Variants in RBPMS2 observed in about 807,000 individuals in gnomAD.
RBPMS2 encodes RNA-binding protein with multiple splicing 2.
A neutral mutation model predicts 25.7 loss-of-function variants in RBPMS2; 14 were observed. That is an observed-to-expected ratio of 0.55 (90% confidence interval 0.36 to 0.85). RBPMS2 has a LOEUF of 0.85. RBPMS2 is among the 40% of genes least tolerant of loss of function. The pLI is 0.01. For synonymous variants in RBPMS2, 127 were observed against 115.6 expected (o/e 1.10, Z -0.63); for missense variants, 252 against 283.4 (o/e 0.89, Z 0.80).
intron 6 of RBPMS2, among the ~76,000 whole-genome samples, chr15:64,745,915 G>C (rs2083614169): frequency 6.6e-6 from 1 of 152,124 alleles, no homozygotes; most frequent in East Asian, 1.9e-4. Context: ...TCCTTCAGCT[G>C]CTACCTTCTC....
intron 3 of RBPMS2, 121 bp downstream of exon 3, chr15:64,750,222 A>AG (rs903483973): frequency 4.5e-6 from 4 of 881,152 alleles, no homozygotes; most frequent in Non-Finnish European, 7.8e-6. Flanking sequence ...AAACAGGACA[A>AG]CAGGGAGCGC....
At chr15:64,774,393 C>T (rs1477246154) in intron 1 of RBPMS2, among the ~76,000 whole-genome samples, 3 of 152,150 alleles carry the variant, frequency 2.0e-5, no homozygotes, top group Non-Finnish European at 4.4e-5. Flanking sequence ...ATCTTTGAGG[C>T]TTTTATCCAG....
Position 64,771,213 on chromosome 15 carries a change from C to A in RBPMS2, c.87+4020G>T, listed in dbSNP as rs552235843. On this transcript the variant is annotated intron_variant, in intron 1 of 7. Transcript: ENST00000300069. ...CTTCAAGTTGTATACACTAAATATA[C>A]ACCTTTATATATGCCAATCATACCT... Among the ~76,000 whole-genome samples, 3 of 152,228 alleles carry A rather than the reference C, an allele frequency of 2.0e-5. No homozygotes were observed. The South Asian group carries it at 6.2e-4, about 32-fold the overall frequency.
intron 6 of RBPMS2, among the ~76,000 whole-genome samples, chr15:64,747,836 C>A (rs879792459): frequency 8.5e-5 from 13 of 152,202 alleles, no homozygotes; most frequent in Non-Finnish European, 1.9e-4. Context: ...GTTTCCTGCC[C>A]GGCACAGGTT....
intron 1 of RBPMS2, among the ~76,000 whole-genome samples, chr15:64,756,970 ATTTTTTTTTTT>A (rs567804797): frequency 1.0e-5 from 1 of 98,952 alleles, no homozygotes; most frequent in Non-Finnish European, 2.1e-5. Context: ...GCCCGGCCTC[ATTTTTTTTTTT>A]TTTTTTTTGG....
At position 64,740,330 on chromosome 15, in the gene RBPMS2, T is replaced by C. The variant is rs2083548182; in HGVS notation, c.*678A>G. On this transcript the variant is annotated 3_prime_UTR_variant, in exon 8 of 8. Transcript: ENST00000300069. ...AGGAGCAGCGGCGGGCGGGGTGCGC[T>C]GTGGAGAGGTGAACAGAACGGGCAG... 1 of 152,032 alleles carries C rather than the reference T, an allele frequency of 6.6e-6. No individual in the cohort carries two copies. Among genetic ancestry groups the C allele is most frequent in the African/African-American group, 2.4e-5 (1 of 41,374 alleles). The allele number at this position is 152,032 out of a possible 1,614,324, so 9.4% of individuals were successfully genotyped here. A position where few individuals can be genotyped will look rare whatever the true frequency, so the allele number is the denominator to read the frequency against.
intron 6 of RBPMS2, among the ~76,000 whole-genome samples, chr15:64,747,917 C>T (rs751948274): frequency 4.6e-5 from 7 of 152,192 alleles, no homozygotes; most frequent in Non-Finnish European, 8.8e-5. Flanking sequence ...TACATCCTAG[C>T]ACTCAGTAGT....
At chr15:64,760,280 G>T (rs766303650) in intron 1 of RBPMS2, among the ~76,000 whole-genome samples, 1 of 152,340 alleles carries the variant, frequency 6.6e-6, no homozygotes, top group South Asian at 2.1e-4. Context: ...GTCAGAAGTG[G>T]CTGCGGCCTG....
At chr15:64,743,608 G>T (rs995299553) in intron 6 of RBPMS2, among the ~76,000 whole-genome samples, 2 of 149,938 alleles carry the variant, frequency 1.3e-5, no homozygotes, top group South Asian at 2.1e-4. Context: ...CAGGGCACCC[G>T]CAGTGTCCTT....
At chr15:64,762,614 G>A (rs1297386069) in intron 1 of RBPMS2, 4 of 465,198 alleles carry the variant, frequency 8.6e-6, no homozygotes, top group African/African-American at 4.0e-5. Context: ...AAAAGACAAA[G>A]AACCTCAAAA....
At chr15:64,767,414 C>T (rs2083856787) in intron 1 of RBPMS2, among the ~76,000 whole-genome samples, 1 of 152,210 alleles carries the variant, frequency 6.6e-6, no homozygotes, top group Admixed American at 6.5e-5. Context: ...ATAACCAATG[C>T]CAGAGCAGAT....
intron 6 of RBPMS2, 56 bp from the exon 7 acceptor site, chr15:64,741,298 G>A: frequency 4.2e-6 from 6 of 1,417,056 alleles, no homozygotes; most frequent in Non-Finnish European, 5.9e-6. Context: ...TCAACAGGAA[G>A]CCAGGTAACC....
At chr15:64,760,630 C>T (rs1169512068) in intron 1 of RBPMS2, among the ~76,000 whole-genome samples, 1 of 151,846 alleles carries the variant, frequency 6.6e-6, no homozygotes, top group African/African-American at 2.4e-5. Context: ...GTGAAATCCC[C>T]TTTCCACTAA....
chr15:64,745,839 G>A (rs1271858025), intron 6 of RBPMS2, among the ~76,000 whole-genome samples: 1 of 152,324 alleles, frequency 6.6e-6, no homozygotes, highest in East Asian at 1.9e-4. Context: ...CTGGGCTCAG[G>A]CTGGGCTACT....
intron 1 of RBPMS2, among the ~76,000 whole-genome samples, chr15:64,753,439 T>C (rs1030744161): frequency 1.3e-5 from 2 of 152,070 alleles, no homozygotes; most frequent in Non-Finnish European, 2.9e-5. Flanking sequence ...GCTGGAGCAA[T>C]GTTAGGTAAA....
At chr15:64,770,784 A>AC (rs1256366488) in intron 1 of RBPMS2, among the ~76,000 whole-genome samples, 1 of 149,676 alleles carries the variant, frequency 6.7e-6, no homozygotes, top group Non-Finnish European at 1.5e-5. Flanking sequence ...CACCTCCCAC[A>AC]CCCCCCTCCC....
rs146916271 is a variant in RBPMS2, at chr15:64,774,732, A to AGCCGGCCG, written c.87+493_87+500dup. On this transcript the variant is annotated intron_variant, in intron 1 of 7. Coordinates refer to ENST00000300069, the MANE Select transcript of RBPMS2 (RefSeq NM_194272.3). ...TGACAACAGCTCGCAGGAACCGAGG[A>AGCCGGCCG]GCCGGCCGGCCCAGGCCTCCAAGGT... Among the ~76,000 whole-genome samples the AGCCGGCCG allele has an allele frequency of 5.0e-3, 737 of 147,110 alleles. 8 individuals are homozygous for AGCCGGCCG. The highest frequency in any genetic ancestry group is 9.0e-3 in the South Asian group (42 of 4,670).
intron 1 of RBPMS2, among the ~76,000 whole-genome samples, chr15:64,753,143 G>A (rs2037727170): frequency 6.6e-6 from 1 of 152,076 alleles, no homozygotes; most frequent in Admixed American, 6.6e-5. Context: ...AATGAAAAAT[G>A]TGAACAAGCA....
chr15:64,740,928 G>C lies in RBPMS2; in HGVS notation c.*80C>G. The C allele has an allele frequency of 2.2e-6, 1 of 455,554 alleles. No homozygotes were observed. The highest frequency in any genetic ancestry group is 4.0e-6 in the Non-Finnish European group (1 of 248,690). The allele number at this position is 455,554 out of a possible 1,614,324, so 28.2% of individuals were successfully genotyped here. A position where few individuals can be genotyped will look rare whatever the true frequency, so the allele number is the denominator to read the frequency against. On this transcript the variant is annotated 3_prime_UTR_variant, in exon 8 of 8. Transcript: ENST00000300069. ...CAGCAGCTCTGTGCAGGCCGCCCGG[G>C]GGCAGTGGGAACTCGGGGCGCCTGT...
Sources: gnomAD v4.1 joint callset for allele counts (sites outside exome capture counted in the v4.1 genomes callset) on GRCh38, gnomAD v4.1.1 for gene constraint, MANE v1.5 for transcripts, NCBI Gene and HGNC (gene_info 2026-07-23, HGNC 2026-07-21) for gene names.